ABLIM2: variants seen among roughly 807,000 people sequenced by gnomAD.
The protein encoded by ABLIM2 is actin-binding LIM protein 2.
Under a neutral mutation model 97.7 loss-of-function variants are expected in ABLIM2, and 53 were observed. The observed-to-expected ratio is 0.54, with a 90% CI of 0.44 to 0.68. ABLIM2 has a LOEUF of 0.68. Ranked by LOEUF, ABLIM2 falls within the 30% of genes least tolerant of loss-of-function variation. The pLI, the probability that ABLIM2 is intolerant of heterozygous loss-of-function variation, is 0.00. For missense variants in ABLIM2, 835 were observed against 867.2 expected, an observed-to-expected ratio of 0.96 and a Z score of 0.47; for synonymous variants, 361 against 345.8, an observed-to-expected ratio of 1.04 and a Z score of -0.49.
intron 1 of ABLIM2, among the ~76,000 whole-genome samples, chr4:8,152,764 T>C (rs188678522): frequency 6.6e-6 from 1 of 152,174 alleles, no homozygotes; most frequent in East Asian, 1.9e-4. Flanking sequence ...TTGCAACTAT[T>C]TTAACAACCT....
rs1319160773 is a variant in ABLIM2 at position 7,998,314 on chromosome 4, C to T, written c.1619-5387G>A. Among the ~76,000 whole-genome samples the T allele has an allele frequency of 6.6e-6, 1 of 152,184 alleles. No homozygotes were observed. The highest frequency in any genetic ancestry group is 1.5e-5 in the Non-Finnish European group (1 of 68,038). The stretch of plus-strand genomic sequence containing the variant: ...CTGATCTTGTTAAGTGTTAAATCCT[C>T]TATTTGAGCAGGCTGTCACCCTGTT... On this transcript the variant is annotated intron_variant, in intron 16 of 20. Coordinates refer to ENST00000447017, the MANE Select transcript of ABLIM2 (RefSeq NM_001130083.2). This position sits in a 1 kb window ranked among gnomAD's most constrained non-coding sequence, Gnocchi z 6.4.
intron 9 of ABLIM2, chr4:8,041,348 A>G (rs28545783): frequency 0.12 from 18,495 of 152,172 alleles, 1,575 homozygotes; most frequent in East Asian, 0.27. Context: ...GCTTGTGCTC[A>G]CCCATGCTTG....
intron 1 of ABLIM2, among the ~76,000 whole-genome samples, chr4:8,115,395 C>T (rs561868425): frequency 3.9e-5 from 6 of 152,222 alleles, no homozygotes; most frequent in Non-Finnish European, 8.8e-5. Context: ...CTTTGACATC[C>T]ATCTCCTCTG....
At position 8,149,322 on chromosome 4, in the gene ABLIM2, C is replaced by T. The variant is rs1028017752; in HGVS notation, c.10+9358G>A. 1.3e-5 allele frequency among the ~76,000 whole-genome samples: 2 copies of T among 152,118 alleles called. No individual in the cohort carries two copies. The highest frequency in any genetic ancestry group is 2.9e-5 in the Non-Finnish European group (2 of 68,030). On this transcript the variant is annotated intron_variant, in intron 1 of 20. Transcript: ENST00000447017. The surrounding 1 kb of genome is among the most constrained non-coding windows in gnomAD (Gnocchi z 6.4). ...ACAGTCATTTTGCCGCATGAGGTCA[C>T]ATAGTCACAGGGCCTGGGATTAGGA...
In ABLIM2 at chr4:8,046,017, A is replaced by C. The variant is rs371177471; in HGVS notation, c.823-776T>G. Among the ~76,000 whole-genome samples the C allele has an allele frequency of 9.1e-4, 138 of 152,100 alleles. 1 individual carries two copies. The highest frequency in any genetic ancestry group is 3.2e-3 in the African/African-American group (133 of 41,490). On this transcript the variant is annotated intron_variant, in intron 8 of 20. Transcript: ENST00000447017. This position sits in a 1 kb window ranked among gnomAD's most constrained non-coding sequence, Gnocchi z 4.4. ...CTCAGCTCAAAGAGCACCTGCTCCC[A>C]CCTGACACACAACTTAGAAATGGCC... is the stretch of plus-strand genomic sequence containing the variant.
intron 20 of ABLIM2, among the ~76,000 whole-genome samples, chr4:7,983,059 T>C (rs1740103626): frequency 6.6e-6 from 1 of 152,226 alleles, no homozygotes; most frequent in African/African-American, 2.4e-5. Context: ...CAGGGTGGTC[T>C]TCTTTGCAAA....
chr4:7,979,120 C>T (rs940208608), intron 20 of ABLIM2, among the ~76,000 whole-genome samples: 3 of 152,248 alleles, frequency 2.0e-5, no homozygotes, highest in African/African-American at 7.2e-5. Flanking sequence ...CTACTGATGA[C>T]CCATGCACAT....
At chr4:8,135,440 G>C (rs1384222147) in intron 1 of ABLIM2, among the ~76,000 whole-genome samples, 2 of 152,200 alleles carry the variant, frequency 1.3e-5, no homozygotes, top group Non-Finnish European at 2.9e-5. Flanking sequence ...TGAGGCCTTC[G>C]GAAGGTGATT....
intron 1 of ABLIM2, among the ~76,000 whole-genome samples, chr4:8,107,472 TGAG>T (rs1210682826): frequency 1.3e-5 from 2 of 152,090 alleles, no homozygotes; most frequent in Non-Finnish European, 2.9e-5. Context: ...CTTTGAAGCT[TGAG>T]GAGGAGTTGG....
intron 1 of ABLIM2, among the ~76,000 whole-genome samples, chr4:8,111,729 C>T (rs1256342125): frequency 6.6e-6 from 1 of 152,150 alleles, no homozygotes; most frequent in Non-Finnish European, 1.5e-5. Context: ...AGTTTGAGAT[C>T]AGCATGGCCA....
intron 20 of ABLIM2, 68 bp downstream of exon 20, chr4:7,983,196 C>T (rs758817750): frequency 1.2e-4 from 174 of 1,507,808 alleles, no homozygotes; most frequent in Middle Eastern, 1.7e-4. Context: ...CTTGACACCA[C>T]GGAGGAGGCA....
rs1337328535 is a variant in ABLIM2, at chr4:8,021,548, C to G, written c.1268-1245G>C. The stretch of plus-strand genomic sequence containing the variant: ...CACAGCCTTTCAGAGCAGCAGGACC[C>G]TGCGGTGACATCGAAATGAAACAGA... On this transcript the variant is annotated intron_variant, in intron 12 of 20. Coordinates refer to ENST00000447017, the MANE Select transcript of ABLIM2 (RefSeq NM_001130083.2). This position sits in a 1 kb window ranked among gnomAD's most constrained non-coding sequence, Gnocchi z 5.5. Among the ~76,000 whole-genome samples, 1 of 152,236 alleles carries G rather than the reference C, an allele frequency of 6.6e-6. No homozygotes were observed. The highest frequency in any genetic ancestry group is 1.9e-4 in the East Asian group (1 of 5,194).
In ABLIM2 at chr4:8,132,037, C is replaced by A. The variant is rs1053616749; in HGVS notation, c.11-25400G>T. On this transcript the variant is annotated intron_variant, in intron 1 of 20. Transcript: ENST00000447017. The surrounding 1 kb of genome is among the most constrained non-coding windows in gnomAD (Gnocchi z 8.0). ...TCCCCTGCACGGCAGCCTGCATCCC[C>A]GAGCACAGCTGTGCCGGCCGAGCTC... is the stretch of plus-strand genomic sequence containing the variant. Among the ~76,000 whole-genome samples the A allele has an allele frequency of 1.3e-5, 2 of 151,916 alleles. No homozygotes were observed. Among genetic ancestry groups the A allele is most frequent in the Admixed American group, 6.6e-5 (1 of 15,266 alleles).
rs1308421814 is a variant in ABLIM2, at chr4:8,094,849, T to C, written c.338+2250A>G. 2.6e-5 allele frequency among the ~76,000 whole-genome samples: 4 copies of C among 152,238 alleles called. No homozygotes were observed. In the East Asian group the frequency reaches 5.8e-4, roughly 22 times the overall value. On this transcript the variant is annotated intron_variant, in intron 3 of 20. Transcript: ENST00000447017. ...TGCTGATTTTTACTATTACTTTTAATGACAAAACCCACAATTACTTTTGCA... is the reference window on the plus strand; with the variant it reads ...TGCTGATTTTTACTATTACTTTTAACGACAAAACCCACAATTACTTTTGCA...
chr4:8,008,984 G>A, intron 15 of ABLIM2, 66 bp downstream of exon 15: 1 of 1,562,674 alleles, frequency 6.4e-7, no homozygotes, highest in Non-Finnish European at 8.8e-7. Context: ...AATCGGAGAA[G>A]CCCTCACAAA....
At chr4:7,994,616 T>TCACCTTATACAAAAATC (rs1751782355) in intron 16 of ABLIM2, among the ~76,000 whole-genome samples, 1 of 78,696 alleles carries the variant, frequency 1.3e-5, no homozygotes, top group African/African-American at 3.8e-5. Context: ...ATATACCCAG[T>TCACCTTATACAAAAATC]AATGGGATGG....
Position 8,123,860 on chromosome 4 carries a change from C to T in ABLIM2, c.11-17223G>A, listed in dbSNP as rs1846614409. ...GAGGTGGCACGGGGTGGGAGCCCTG[C>T]CTGGGATCCTTGCTAACCTCTGGAG... On this transcript the variant is annotated intron_variant, in intron 1 of 20. Transcript: ENST00000447017. This position sits in a 1 kb window ranked among gnomAD's most constrained non-coding sequence, Gnocchi z 6.2. Among the ~76,000 whole-genome samples, 6 of 152,292 alleles carry T rather than the reference C, an allele frequency of 3.9e-5. No homozygotes were observed. In the South Asian group the frequency reaches 1.2e-3, roughly 32 times the overall value.
rs796877068 is a variant in ABLIM2, at chr4:8,003,561, C to CTTTTT, written c.1618+4493_1618+4497dup. 3.3e-5 allele frequency among the ~76,000 whole-genome samples: 4 copies of CTTTTT among 120,192 alleles called. No homozygotes were observed. The highest frequency in any genetic ancestry group is 8.6e-5 in the Admixed American group (1 of 11,664). 78.9% of individuals were successfully genotyped at this position (120,192 alleles called of 152,430 possible). On this transcript the variant is annotated intron_variant, in intron 16 of 20. Coordinates refer to ENST00000447017, the MANE Select transcript of ABLIM2 (RefSeq NM_001130083.2). The surrounding 1 kb of genome is among the most constrained non-coding windows in gnomAD (Gnocchi z 4.2). The stretch of plus-strand genomic sequence containing the variant: ...ACCACTACGCTCTTCTTCCAGTTTT[C>CTTTTT]TTTTTTTTTTTTTTTTTTTTTGGAG...
chr4:8,148,840 AG>A lies in ABLIM2; in HGVS notation c.10+9839del. ...GTTCCTGGACCCCCACCTCTCCATG[AG>A]ACCACCCCTATCTCCTCCCAGAGCT... On this transcript the variant is annotated intron_variant, in intron 1 of 20. Transcript: ENST00000447017. The surrounding 1 kb of genome is among the most constrained non-coding windows in gnomAD (Gnocchi z 6.7). Among the ~76,000 whole-genome samples, 1 of 152,236 alleles carries A rather than the reference AG, an allele frequency of 6.6e-6. No individual in the cohort carries two copies. The highest frequency in any genetic ancestry group is 1.5e-5 in the Non-Finnish European group (1 of 67,994).
Sources: allele counts gnomAD v4.1 joint callset (sites outside exome capture counted in the v4.1 genomes callset), GRCh38; gene constraint gnomAD v4.1.1; non-coding constraint Gnocchi (gnomAD v3.1); transcripts MANE v1.5; gene names NCBI Gene and HGNC (gene_info 2026-07-23, HGNC 2026-07-21).